Variants in PER3 observed in about 807,000 individuals in gnomAD.
PER3 encodes period circadian regulator 3.
A neutral mutation model predicts 127.2 loss-of-function variants in PER3; 107 were observed. That is an observed-to-expected ratio of 0.84 (90% CI 0.72 to 0.99). PER3 has a LOEUF of 0.99. Ranked by LOEUF, PER3 falls within the 50% of genes least tolerant of loss-of-function variation. The pLI is 0.00. For missense variants in PER3, 1,560 were observed against 1,525.8 expected, an observed-to-expected ratio of 1.02 and a Z score of -0.37; for synonymous variants, 618 against 585.8, an observed-to-expected ratio of 1.05 and a Z score of -0.79.
At chr1:7,832,879 C>T (rs2097339791) in intron 19 of PER3, among the ~76,000 whole-genome samples, 2 of 148,368 alleles carry the variant, frequency 1.3e-5, no homozygotes, top group African/African-American at 5.0e-5. Flanking sequence ...CACTCTGTTG[C>T]CCAGGCTGGA....
chr1:7,826,812 T>G lies in PER3; in HGVS notation c.2188+102T>G. 2 of 710,558 alleles carry G rather than the reference T, an allele frequency of 2.8e-6. No homozygotes were observed. Among genetic ancestry groups the G allele is most frequent in the South Asian group, 3.5e-5 (2 of 57,592 alleles). 44.0% of individuals were successfully genotyped at this position (710,558 alleles called of 1,614,324 possible). On this transcript the variant is annotated intron_variant, in intron 17 of 21. Transcript: ENST00000377532. The surrounding 1 kb of genome is among the most constrained non-coding windows in gnomAD (Gnocchi z 4.2). ...GAGTGAACAATAGGAGTTTTACTTG[T>G]AAGAAACTGATGGAGAGATGCTGAA... is the stretch of plus-strand genomic sequence containing the variant.
At chr1:7,791,980 T>C (rs1421159448) in intron 5 of PER3, among the ~76,000 whole-genome samples, 1 of 152,214 alleles carries the variant, frequency 6.6e-6, no homozygotes, top group Non-Finnish European at 1.5e-5. Context: ...TTCTAAGCCC[T>C]CCAAACTGTT....
At chr1:7,831,591 G>C (rs898073520) in intron 19 of PER3, among the ~76,000 whole-genome samples, 1 of 152,238 alleles carries the variant, frequency 6.6e-6, no homozygotes, top group Non-Finnish European at 1.5e-5. Context: ...TTCCTTGAAT[G>C]CCCTTATCAG....
chr1:7,837,130 C>G lies in PER3; in HGVS notation c.3530C>G (p.Thr1177Ser). Reference protein sequence around the residue: ...VYNWIQSQTVTQEIDIQACVT... With the variant: ...VYNWIQSQTVSQEIDIQACVT... ...AATTGGATTCAAAGCCAGACTGTCACTCAAGAAATCGACATTCAAGTAAGC... is the reference window on the plus strand; with the variant it reads ...AATTGGATTCAAAGCCAGACTGTCAGTCAAGAAATCGACATTCAAGTAAGC... The change falls in exon 21 of 22, where the codon ACT (threonine) becomes AGT (serine). Residue 1177 changes from threonine (T) to serine (S), a missense_variant. Around this residue, in one of 3 missense-constraint regions of PER3, gnomAD observed 199 missense variants for 198.6 expected, o/e 1.00. Transcript: ENST00000377532. 1 of 1,613,306 alleles carries G rather than the reference C, an allele frequency of 6.2e-7. No individual in the cohort carries two copies. The highest frequency in any genetic ancestry group is 8.5e-7 in the Non-Finnish European group (1 of 1,179,742).
chr1:7,835,792 G>A lies in PER3; in HGVS notation c.3245G>A (p.Ser1082Asn). 2 of 1,612,404 alleles carry A rather than the reference G, an allele frequency of 1.2e-6. No individual in the cohort carries two copies. The highest frequency in any genetic ancestry group is 8.5e-7 in the Non-Finnish European group (1 of 1,178,508). Residue 1082 changes from serine to asparagine, a missense_variant, in exon 20 of 22, where the codon AGT becomes AAT. Transcript: ENST00000377532. ...AGCGACAGCAGTATATACCTTACTA[G>A]TAGTGTTTATTCTTCTAAAATCTCC... ...GSSDSSIYLT[S>N]SVYSSKISQN...
intron 6 of PER3, among the ~76,000 whole-genome samples, chr1:7,797,040 A>C (rs1558397684): frequency 6.6e-6 from 1 of 152,170 alleles, no homozygotes; most frequent in Non-Finnish European, 1.5e-5. Flanking sequence ...TTGAATATCC[A>C]AGTTGAGACT....
chr1:7,792,248 C>T (rs891328488), intron 5 of PER3, among the ~76,000 whole-genome samples: 1 of 152,092 alleles, frequency 6.6e-6, no homozygotes. Context: ...CAAGGAGAAG[C>T]GCCAAGCAAA....
At position 7,805,618 on chromosome 1, in the gene PER3, G is replaced by C. The variant is rs187448857; in HGVS notation, c.1136+1770G>C. ...ATTGGTATTGCTCAGAAAGGACTTTGTCCCTTCTCCCCACCCCATACCCCC... is the reference window on the plus strand; with the variant it reads ...ATTGGTATTGCTCAGAAAGGACTTTCTCCCTTCTCCCCACCCCATACCCCC... On this transcript the variant is annotated intron_variant, in intron 10 of 21. Transcript: ENST00000377532. Among the ~76,000 whole-genome samples, 357 of 152,286 alleles carry C rather than the reference G, an allele frequency of 2.3e-3. 1 individual carries two copies. Among genetic ancestry groups the C allele is most frequent in the Non-Finnish European group, 3.7e-3 (254 of 68,030 alleles).
chr1:7,839,297 CAT>C (rs1251576313), intron 21 of PER3, among the ~76,000 whole-genome samples: 5 of 152,186 alleles, frequency 3.3e-5, no homozygotes, highest in African/African-American at 9.6e-5. Flanking sequence ...TTTCCAAAAA[CAT>C]AATTATTTTT....
chr1:7,802,006 CAA>C (rs1418086116), intron 8 of PER3, among the ~76,000 whole-genome samples: 6 of 151,924 alleles, frequency 3.9e-5, no homozygotes, highest in Non-Finnish European at 7.4e-5. Flanking sequence ...ACCCTGAAAC[CAA>C]ATAGTAATGT....
In PER3 at chr1:7,810,539, G is replaced by A. The variant is rs573933486; in HGVS notation, c.1473G>A (p.Thr491=). ...SMTKSSFKPV[T]GTRTEPNGGG... is the part of the protein sequence containing the mutation. ...CCAAATCATCATTCAAGCCAGTGAC[G>A]GGGACACGCACAGAACCGAATGGTG... The change falls in exon 13 of 22, where the codon ACG becomes ACA. Residue 491 remains threonine, a synonymous_variant. Transcript: ENST00000377532. The A allele has an allele frequency of 4.3e-6, 7 of 1,613,702 alleles. No individual in the cohort carries two copies. The highest frequency in any genetic ancestry group is 2.7e-5 in the African/African-American group (2 of 75,022).
rs553197066 is a variant in PER3 at position 7,794,024 on chromosome 1, C to T, written c.644+16C>T. On this transcript the variant is annotated intron_variant, in intron 6 of 21. Transcript: ENST00000377532. Reference sequence around the variant, plus strand: ...GCAGGATCCGGTAAGTATAGTGGCTCGTGGAAGCCAGCAACAGTGGATTAT... The same window carrying T: ...GCAGGATCCGGTAAGTATAGTGGCTTGTGGAAGCCAGCAACAGTGGATTAT... 12 of 1,604,812 alleles carry T rather than the reference C, an allele frequency of 7.5e-6. 1 individual carries two copies. Among genetic ancestry groups the T allele is most frequent in the South Asian group, 4.4e-5 (4 of 90,866 alleles).
chr1:7,789,457 C>T (rs1250382216), intron 5 of PER3, among the ~76,000 whole-genome samples: 1 of 152,160 alleles, frequency 6.6e-6, no homozygotes, highest in Admixed American at 6.5e-5. Flanking sequence ...TGCTGCCGTC[C>T]ATGTAAGATG....
chr1:7,801,163 G>T lies in PER3; in HGVS notation c.844G>T (p.Gly282Trp). The T allele has an allele frequency of 1.9e-6, 3 of 1,603,574 alleles. No homozygotes were observed. The highest frequency in any genetic ancestry group is 2.6e-6 in the Non-Finnish European group (3 of 1,174,244). ...AATCTTCACCACCACACACACCCCA[G>T]GGTGTGTTTTTCTTGAAGTAGATGA... ...KRIFTTTHTP[G>W]CVFLEVDEKA... The change falls in exon 8 of 22, where the codon GGG (glycine) becomes TGG (tryptophan). Residue 282 changes from glycine to tryptophan, a missense_variant. Gly to Trp is a radical substitution (Grantham distance 184). Transcript: ENST00000377532.
At chr1:7,807,562 C>T (rs1003750126) in intron 10 of PER3, among the ~76,000 whole-genome samples, 15 of 152,262 alleles carry the variant, frequency 9.9e-5, no homozygotes, top group African/African-American at 4.8e-5. Flanking sequence ...CAGACGTAGG[C>T]GGATTCAAAT....
intron 18 of PER3, among the ~76,000 whole-genome samples, chr1:7,829,480 C>T (rs2097318901): frequency 6.6e-6 from 1 of 152,176 alleles, no homozygotes; most frequent in South Asian, 2.1e-4. Flanking sequence ...ACTCCTCTTG[C>T]ACTTTGGGGC....
intron 1 of PER3, 21 bp from the exon 2 acceptor site, chr1:7,784,633 A>G: frequency 2.6e-6 from 1 of 391,226 alleles, no homozygotes; most frequent in Non-Finnish European, 4.5e-6. Flanking sequence ...GTCCCTTGTC[A>G]CCCTTGTCTC....
chr1:7,827,685 G>C lies in PER3; in HGVS notation c.2756G>C (p.Ser919Thr). The C allele has an allele frequency of 6.2e-7, 1 of 1,614,156 alleles. No individual in the cohort carries two copies. Among genetic ancestry groups the C allele is most frequent in the South Asian group, 1.1e-5 (1 of 91,086 alleles). ...RREEEKWEAQSEGHPFITSRS... is the reference protein window; with the variant it reads ...RREEEKWEAQTEGHPFITSRS... Reference sequence around the variant, plus strand: ...GAGGAGGAAAAGTGGGAGGCACAAAGCGAGGGGCACCCGTTCATTACTTCG... The same window carrying C: ...GAGGAGGAAAAGTGGGAGGCACAAACCGAGGGGCACCCGTTCATTACTTCG... The change falls in exon 18 of 22, where the codon AGC becomes ACC. Residue 919 changes from serine (S) to threonine (T), a missense_variant. Physicochemically the swap from Ser to Thr is moderately conservative, Grantham distance 58 (BLOSUM62 1). Around this residue, in one of 3 missense-constraint regions of PER3, gnomAD observed 1,332 missense variants for 1,223.6 expected, o/e 1.09. Coordinates refer to ENST00000377532, the MANE Select transcript of PER3 (RefSeq NM_001377275.1).
At chr1:7,795,697 G>A (rs762173169) in intron 6 of PER3, among the ~76,000 whole-genome samples, 16 of 152,234 alleles carry the variant, frequency 1.1e-4, no homozygotes, top group South Asian at 2.1e-4. Flanking sequence ...CACACCACAG[G>A]GAGCAGTGAC....
Sources: gnomAD v4.1 joint callset for allele counts (sites outside exome capture counted in the v4.1 genomes callset) on GRCh38, gnomAD v4.1.1 for gene constraint, gnomAD v4.1.1 regional missense constraint, Gnocchi (gnomAD v3.1) non-coding constraint, MANE v1.5 for transcripts, NCBI Gene and HGNC (gene_info 2026-07-23, HGNC 2026-07-21) for gene names.